The following NRXN1 variants were observed in gnomAD, a reference collection of about 807,000 sequenced individuals.
The protein encoded by NRXN1 is neurexin-1.
In NRXN1, 39 loss-of-function variants were observed where a neutral mutation model predicts 150.9. The observed-to-expected ratio is 0.26, with a 90% CI of 0.20 to 0.34. NRXN1 has a LOEUF of 0.34. NRXN1 is among the 10% of genes least tolerant of loss of function. NRXN1 has a pLI of 1.00. For synonymous variants in NRXN1, 924 were observed against 757.0 expected, an observed-to-expected ratio of 1.22 and a Z score of -3.62; for missense variants, 1,815 against 1,949.9, an observed-to-expected ratio of 0.93 and a Z score of 1.30.
At chr2:50,080,036 A>G (rs2152682809) in intron 19 of NRXN1, among the ~76,000 whole-genome samples, 1 of 152,254 alleles carries the variant, frequency 6.6e-6, no homozygotes, top group South Asian at 2.1e-4. Context: ...CTGAGTAGCA[A>G]GATAAAATCT....
In NRXN1 at chr2:50,304,342, T is replaced by C. The variant is rs1318974230; in HGVS notation, c.3365-67372A>G. 2.6e-5 allele frequency among the ~76,000 whole-genome samples: 4 copies of C among 152,184 alleles called. No individual in the cohort carries two copies. In the East Asian group the frequency reaches 7.7e-4, roughly 29 times the overall value. ...CTATTAATAAAAAGGCTGAAAGGGTTGAAGATTTTCTGGGCTCTCTGGAGA... is the reference window on the plus strand; with the variant it reads ...CTATTAATAAAAAGGCTGAAAGGGTCGAAGATTTTCTGGGCTCTCTGGAGA... On this transcript the variant is annotated intron_variant, in intron 17 of 22. Transcript: ENST00000401669.
chr2:50,922,466 A>T, intron 4 of NRXN1, 192 bp downstream of exon 4: 1 of 674,144 alleles, frequency 1.5e-6, no homozygotes. Context: ...TAAAAGCCAC[A>T]GGAACAAACC....
At chr2:50,856,340 T>C (rs1675270145) in intron 5 of NRXN1, among the ~76,000 whole-genome samples, 1 of 152,004 alleles carries the variant, frequency 6.6e-6, no homozygotes, top group Admixed American at 6.6e-5. Context: ...CCCTCCTAGC[T>C]TGAAAGCAAG....
intron 5 of NRXN1, among the ~76,000 whole-genome samples, chr2:50,719,072 T>G (rs1010008412): frequency 6.6e-6 from 1 of 151,420 alleles, no homozygotes; most frequent in South Asian, 2.1e-4. Context: ...CCATTGTGAA[T>G]GCACTAAAAC....
intron 2 of NRXN1, among the ~76,000 whole-genome samples, chr2:51,019,106 A>G (rs533069499): frequency 6.6e-6 from 1 of 152,222 alleles, no homozygotes; most frequent in African/African-American, 2.4e-5. Context: ...CCTGAAAACT[A>G]GTGAACAAAC....
chr2:50,885,820 AACACACACACACACAC>A lies in NRXN1; in HGVS notation c.832+36033_832+36048del, dbSNP rs57614861. ...TGTCTAAATCGTAAATATTTCTATA[AACACACACACACACAC>A]ACACACACACACACACGTCTATACC... On this transcript the variant is annotated intron_variant, in intron 5 of 22. Coordinates refer to ENST00000401669, the MANE Select transcript of NRXN1 (RefSeq NM_001330078.2). Among the ~76,000 whole-genome samples the A allele has an allele frequency of 5.8e-4, 83 of 143,852 alleles. 1 individual carries two copies. Among genetic ancestry groups the A allele is most frequent in the African/African-American group, 1.9e-3 (75 of 39,398 alleles). The allele number at this position is 143,852 out of a possible 152,430, so 94.4% of individuals were successfully genotyped here.
intron 8 of NRXN1, among the ~76,000 whole-genome samples, chr2:50,607,640 A>G (rs918934434): frequency 5.9e-5 from 9 of 152,142 alleles, no homozygotes; most frequent in African/African-American, 1.4e-4. Context: ...TGAGGATATT[A>G]CCATACAGAA....
intron 21 of NRXN1, among the ~76,000 whole-genome samples, chr2:49,992,190 C>G (rs1338802563): frequency 6.6e-6 from 1 of 151,962 alleles, no homozygotes. Context: ...AGATACAAAA[C>G]CAAAGGATGA....
chr2:50,402,193 C>G (rs10209627), intron 17 of NRXN1, among the ~76,000 whole-genome samples: 35,771 of 151,886 alleles, frequency 0.24, 4,531 homozygotes, highest in East Asian at 0.43. Flanking sequence ...CTCTAGGTAC[C>G]TAGGGATCAA....
chr2:50,353,261 T>C (rs762616061), intron 17 of NRXN1, among the ~76,000 whole-genome samples: 2 of 152,122 alleles, frequency 1.3e-5, no homozygotes, highest in African/African-American at 2.4e-5. Flanking sequence ...GTCAGGGTCA[T>C]AGAGATTTCA....
At chr2:50,404,041 G>A (rs1186517022) in intron 17 of NRXN1, among the ~76,000 whole-genome samples, 1 of 152,036 alleles carries the variant, frequency 6.6e-6, no homozygotes. Flanking sequence ...GAGTGGATGG[G>A]TATTAGAAAG....
intron 22 of NRXN1, among the ~76,000 whole-genome samples, chr2:49,931,919 A>G (rs1670194317): frequency 6.6e-6 from 1 of 152,198 alleles, no homozygotes; most frequent in South Asian, 2.1e-4. Flanking sequence ...TATATAGATA[A>G]TTGAATAATC....
intron 8 of NRXN1, among the ~76,000 whole-genome samples, chr2:50,579,298 G>A (rs1171036032): frequency 6.6e-6 from 1 of 152,176 alleles, no homozygotes; most frequent in Non-Finnish European, 1.5e-5. Context: ...TAGAGGTGAT[G>A]TGACTAAATA....
At chr2:50,196,124 C>T (rs1041707776) in intron 18 of NRXN1, among the ~76,000 whole-genome samples, 2 of 151,706 alleles carry the variant, frequency 1.3e-5, no homozygotes, top group Admixed American at 1.3e-4. Flanking sequence ...GTCTCCCTAC[C>T]CCTGACCACC....
At chr2:50,292,029 G>A (rs981643738) in intron 17 of NRXN1, among the ~76,000 whole-genome samples, 1 of 152,082 alleles carries the variant, frequency 6.6e-6, no homozygotes, top group Non-Finnish European at 1.5e-5. Context: ...CAACCATTCT[G>A]CAGGTTACCA....
chr2:49,957,992 T>G (rs951846967), intron 21 of NRXN1, among the ~76,000 whole-genome samples: 1 of 152,166 alleles, frequency 6.6e-6, no homozygotes, highest in East Asian at 1.9e-4. Flanking sequence ...CCCTATGTCT[T>G]ACTGAAATTT....
intron 17 of NRXN1, among the ~76,000 whole-genome samples, chr2:50,348,510 C>A: frequency 6.6e-6 from 1 of 152,200 alleles, no homozygotes; most frequent in East Asian, 1.9e-4. Context: ...TCTTTGCTAA[C>A]AGTGGAACTC....
intron 5 of NRXN1, among the ~76,000 whole-genome samples, chr2:50,721,842 G>A (rs1696699123): frequency 6.6e-6 from 1 of 151,984 alleles, no homozygotes; most frequent in African/African-American, 2.4e-5. Flanking sequence ...ATTAATATGG[G>A]TGTTAGTATC....
At chr2:50,965,003 C>A (rs963844257) in intron 2 of NRXN1, among the ~76,000 whole-genome samples, 4 of 151,148 alleles carry the variant, frequency 2.6e-5, no homozygotes, top group Admixed American at 2.0e-4. Flanking sequence ...TTTTAAGAGC[C>A]AAGAACACAT....
Sources: allele counts gnomAD v4.1 joint callset (sites outside exome capture counted in the v4.1 genomes callset), GRCh38; gene constraint gnomAD v4.1.1; transcripts MANE v1.5; gene names NCBI Gene and HGNC (gene_info 2026-07-23, HGNC 2026-07-21).